SEMA4D: variants seen among roughly 807,000 people sequenced by gnomAD.
The protein encoded by SEMA4D is semaphorin-4D.
A neutral mutation model predicts 74.8 loss-of-function variants in SEMA4D; 22 were observed. That is an observed-to-expected ratio of 0.29 (90% confidence interval 0.21 to 0.42). The LOEUF is 0.42. SEMA4D is among the 10% of genes least tolerant of loss of function. The pLI is 1.00. For missense variants in SEMA4D, 937 were observed against 1,118.4 expected, an observed-to-expected ratio of 0.84 and a Z score of 2.31; for synonymous variants, 445 against 463.7, an observed-to-expected ratio of 0.96 and a Z score of 0.52.
rs1479915544 is a variant in SEMA4D at position 89,386,418 on chromosome 9, C to G, written c.1395G>C (p.Gln465His). 6.2e-7 allele frequency: 1 copy of G among 1,614,150 alleles called. No individual in the cohort carries two copies. Among genetic ancestry groups the G allele is most frequent in the Admixed American group, 1.7e-5 (1 of 60,032 alleles). Residue 465 changes from glutamine to histidine, a missense_variant, in exon 13 of 16, where the codon CAG (glutamine) becomes CAC (histidine). Gln to His is a conservative substitution (Grantham distance 24). Coordinates refer to ENST00000422704, the MANE Select transcript of SEMA4D (RefSeq NM_001371194.2). ...EHAVHIIEET[Q>H]LFQDFEPVQT... is the part of the protein sequence containing the mutation. ...GGACTGGCTCAAAGTCCTGGAAGAG[C>G]TGGGTCTCCTCGATGATGTGAACAG...
intron 1 of SEMA4D, among the ~76,000 whole-genome samples, chr9:89,485,181 T>C (rs934572459): frequency 1.3e-5 from 2 of 152,212 alleles, no homozygotes; most frequent in South Asian, 2.1e-4. Context: ...TAGTGCTTTC[T>C]AGGCAATTGT....
intron 2 of SEMA4D, among the ~76,000 whole-genome samples, chr9:89,417,467 A>T (rs1206008529): frequency 6.6e-6 from 1 of 152,242 alleles, no homozygotes; most frequent in African/African-American, 2.4e-5. Context: ...CAGAATAAAA[A>T]ACCTTGTGGG....
chr9:89,492,833 C>T lies in SEMA4D; in HGVS notation c.-310+5086G>A, dbSNP rs775560752. Reference sequence around the variant, plus strand: ...CCCGCACCGCCCTCCTACCATTGCTCATGTGTGCCTAAGTGTCCCCTCACC... The same window carrying T: ...CCCGCACCGCCCTCCTACCATTGCTTATGTGTGCCTAAGTGTCCCCTCACC... On this transcript the variant is annotated intron_variant, in intron 1 of 15. Coordinates refer to ENST00000422704, the MANE Select transcript of SEMA4D (RefSeq NM_001371194.2). This position sits in a 1 kb window ranked among gnomAD's most constrained non-coding sequence, Gnocchi z 4.3. Among the ~76,000 whole-genome samples the T allele has an allele frequency of 1.3e-5, 2 of 152,194 alleles. No homozygotes were observed. Among genetic ancestry groups the T allele is most frequent in the Non-Finnish European group, 2.9e-5 (2 of 68,036 alleles).
intron 2 of SEMA4D, among the ~76,000 whole-genome samples, chr9:89,443,620 A>G (rs1852175528): frequency 6.6e-6 from 1 of 152,206 alleles, no homozygotes; most frequent in African/African-American, 2.4e-5. Context: ...TGCAGCGCTC[A>G]GCTGCACCCC....
chr9:89,368,291 G>C (rs568948235), intron 16 of SEMA4D: 2 of 152,464 alleles, frequency 1.3e-5, no homozygotes, highest in African/African-American at 2.4e-5. Flanking sequence ...ACACAGTGCT[G>C]GCCGCTGGCC....
intron 1 of SEMA4D, among the ~76,000 whole-genome samples, chr9:89,491,045 CA>C (rs1352187833): frequency 7.1e-6 from 1 of 139,910 alleles, no homozygotes; most frequent in Non-Finnish European, 1.6e-5. Context: ...CTACATGTGT[CA>C]AAACTCAGTT....
chr9:89,405,556 AG>A lies in SEMA4D; in HGVS notation c.-101del. The A allele has an allele frequency of 6.5e-7, 1 of 1,531,932 alleles. No individual in the cohort carries two copies. The highest frequency in any genetic ancestry group is 8.7e-7 in the Non-Finnish European group (1 of 1,143,802). The allele number at this position is 1,531,932 out of a possible 1,614,324, so 94.9% of individuals were successfully genotyped here. ...AGATGCGGCTCAGCGCCCCAGGACC[AG>A]GGCCAGCAGCACAGCCTGGAGCTCG... On this transcript the variant is annotated 5_prime_UTR_variant, in exon 3 of 16. An upstream open reading frame in the 5' UTR loses its in-frame stop. Transcript: ENST00000422704.
chr9:89,424,381 C>A (rs1847668167), intron 2 of SEMA4D, among the ~76,000 whole-genome samples: 1 of 152,190 alleles, frequency 6.6e-6, no homozygotes, highest in South Asian at 2.1e-4. Flanking sequence ...CAACGTCAAT[C>A]TCCATTAAAC....
chr9:89,367,774 A>G (rs1483615567), intron 16 of SEMA4D: 1 of 152,214 alleles, frequency 6.6e-6, no homozygotes, highest in African/African-American at 2.4e-5. Context: ...TGGTATAAGC[A>G]AGGGCCAGGT....
chr9:89,388,146 C>CT (rs973480467), intron 11 of SEMA4D, among the ~76,000 whole-genome samples: 2 of 152,204 alleles, frequency 1.3e-5, no homozygotes, highest in African/African-American at 2.4e-5. Context: ...GCAGTGAACT[C>CT]TGAGGGCCAG....
chr9:89,450,364 T>G (rs1854066576), intron 2 of SEMA4D: 1 of 1,002,614 alleles, frequency 1.0e-6, no homozygotes, highest in African/African-American at 1.6e-5. Flanking sequence ...TTCAGTGACA[T>G]GAAAAGGCGT....
intron 2 of SEMA4D, chr9:89,450,092 C>T: frequency 8.0e-7 from 1 of 1,244,868 alleles, no homozygotes; most frequent in Non-Finnish European, 1.2e-6. Flanking sequence ...ACTTATTTAA[C>T]TGCATGCCAA....
intron 13 of SEMA4D, chr9:89,384,711 G>A: frequency 6.1e-6 from 6 of 985,404 alleles, no homozygotes; most frequent in Non-Finnish European, 7.2e-6. Flanking sequence ...GGTGAGGGTG[G>A]AGGCACAGCG....
intron 1 of SEMA4D, among the ~76,000 whole-genome samples, chr9:89,481,839 C>G (rs1231017839): frequency 6.6e-6 from 1 of 152,250 alleles, no homozygotes; most frequent in African/African-American, 2.4e-5. Flanking sequence ...CCAGGCATCG[C>G]AGGGCTGGCT....
At position 89,418,382 on chromosome 9, in the gene SEMA4D, C is replaced by G. The variant is rs1846156304; in HGVS notation, c.-243-12683G>C. On this transcript the variant is annotated intron_variant, in intron 2 of 15. Coordinates refer to ENST00000422704, the MANE Select transcript of SEMA4D (RefSeq NM_001371194.2). Reference sequence around the variant, plus strand: ...CGTTACCTGGTGCTAGAGATGAGCCCCAGGACCCGACCAGGTGTACTTTCT... The same window carrying G: ...CGTTACCTGGTGCTAGAGATGAGCCGCAGGACCCGACCAGGTGTACTTTCT... 18 of 985,268 alleles carry G rather than the reference C, an allele frequency of 1.8e-5. No individual in the cohort carries two copies. The South Asian group carries it at 8.5e-4, about 46-fold the overall frequency. The allele number at this position is 985,268 out of a possible 1,614,324, so 61.0% of individuals were successfully genotyped here.
downstream of SEMA4D, among the ~76,000 whole-genome samples, chr9:89,375,179 G>A (rs1424183417): frequency 6.6e-6 from 1 of 152,176 alleles, no homozygotes; most frequent in African/African-American, 2.4e-5. Flanking sequence ...CCTCCCCACC[G>A]AGGAGGAGCT....
intron 2 of SEMA4D, among the ~76,000 whole-genome samples, chr9:89,447,442 A>G (rs967829741): frequency 3.3e-5 from 5 of 151,296 alleles, no homozygotes; most frequent in Non-Finnish European, 7.4e-5. Flanking sequence ...GTGGAAGCCC[A>G]CTTGGAGCCT....
chr9:89,477,045 C>T (rs549155060), intron 1 of SEMA4D, among the ~76,000 whole-genome samples: 67 of 152,214 alleles, frequency 4.4e-4, no homozygotes, highest in African/African-American at 1.6e-3. Context: ...GAGAGTGGGG[C>T]GAGTTTTATC....
intron 16 of SEMA4D, chr9:89,367,909 C>CT (rs1436827952): frequency 2.6e-5 from 4 of 152,306 alleles, no homozygotes; most frequent in African/African-American, 9.6e-5. Context: ...CCCCAAGCCT[C>CT]TAACGGAGCC....
Sources: allele counts gnomAD v4.1 joint callset (sites outside exome capture counted in the v4.1 genomes callset), GRCh38; gene constraint gnomAD v4.1.1; non-coding constraint Gnocchi (gnomAD v3.1); transcripts MANE v1.5; gene names NCBI Gene and HGNC (gene_info 2026-07-23, HGNC 2026-07-21).